Variants in SOX6 observed in about 807,000 individuals in gnomAD.
The protein encoded by SOX6 is SRY-box transcription factor 6, also known as transcription factor SOX-6.
Under a neutral mutation model 97.8 loss-of-function variants are expected in SOX6, and 11 were observed. The ratio of observed to expected loss-of-function variants is 0.11; its 90% CI spans 0.07 to 0.19. The LOEUF (loss-of-function observed/expected upper bound fraction) is 0.19, where lower values mean the gene tolerates loss of function less well. Among genes scored for constraint, SOX6 ranks in the 10% least tolerant of loss-of-function variants. SOX6 has a pLI of 1.00. For missense variants in SOX6, 810 were observed against 1,039.5 expected (o/e 0.78, Z 3.04); for synonymous variants, 360 against 371.4 (o/e 0.97, Z 0.35).
intron 3 of SOX6, among the ~76,000 whole-genome samples, chr11:16,253,409 G>A (rs1413108193): frequency 2.0e-5 from 3 of 151,984 alleles, no homozygotes; most frequent in Non-Finnish European, 4.4e-5. Context: ...GTCCTATGAG[G>A]AATGTTTAGA....
At chr11:16,308,870 T>C (rs779637343) in intron 3 of SOX6, among the ~76,000 whole-genome samples, 25 of 152,176 alleles carry the variant, frequency 1.6e-4, no homozygotes, top group Non-Finnish European at 2.4e-4. Flanking sequence ...ATTCAGCCTG[T>C]TGTATTCAGA....
At chr11:16,520,542 A>G (rs4595506) in intron 4 of SOX6, among the ~76,000 whole-genome samples, 73,952 of 152,176 alleles carry the variant, frequency 0.49, 18,107 homozygotes, top group Admixed American at 0.55. Context: ...AGCTCCCAGC[A>G]TTAGCGACGT....
chr11:16,591,175 A>T (rs555591242), intron 4 of SOX6, among the ~76,000 whole-genome samples: 57 of 152,280 alleles, frequency 3.7e-4, no homozygotes, highest in Non-Finnish European at 1.9e-4. Flanking sequence ...TGTTTGCAGC[A>T]TCCAGCAGTT....
intron 1 of SOX6, among the ~76,000 whole-genome samples, chr11:16,469,643 G>A (rs1401506220): frequency 6.6e-6 from 1 of 152,050 alleles, no homozygotes; most frequent in Non-Finnish European, 1.5e-5. Flanking sequence ...TGACAATAAA[G>A]AGTAGCATTT....
At chr11:15,995,938 C>A (rs941025782) in intron 13 of SOX6, among the ~76,000 whole-genome samples, 3 of 151,912 alleles carry the variant, frequency 2.0e-5, no homozygotes, top group Non-Finnish European at 1.5e-5. Flanking sequence ...CATGAGTTAC[C>A]AGCAGACAAA....
intron 4 of SOX6, among the ~76,000 whole-genome samples, chr11:16,557,584 C>T: frequency 6.6e-6 from 1 of 151,820 alleles, no homozygotes; most frequent in East Asian, 1.9e-4. Context: ...CTTTTGTTTA[C>T]CATTCTGTAA....
intron 1 of SOX6, among the ~76,000 whole-genome samples, chr11:16,450,563 C>T (rs1240078845): frequency 1.3e-5 from 2 of 152,192 alleles, no homozygotes; most frequent in Admixed American, 6.5e-5. Context: ...AACTACAAGT[C>T]GGTCCATTCT....
At chr11:16,248,384 T>G (rs1045151434) in intron 3 of SOX6, among the ~76,000 whole-genome samples, 6 of 152,180 alleles carry the variant, frequency 3.9e-5, no homozygotes, top group African/African-American at 1.4e-4. Context: ...TCCCACATTT[T>G]CCTTCCACAC....
chr11:16,448,568 C>A (rs1463556656), intron 1 of SOX6, among the ~76,000 whole-genome samples: 1 of 152,136 alleles, frequency 6.6e-6, no homozygotes, highest in African/African-American at 2.4e-5. Context: ...CCTACTTACA[C>A]TTTCATATGA....
At chr11:15,984,047 C>G (rs968576256) in intron 15 of SOX6, among the ~76,000 whole-genome samples, 5 of 152,122 alleles carry the variant, frequency 3.3e-5, no homozygotes, top group Non-Finnish European at 5.9e-5. Flanking sequence ...TGAATTTGAA[C>G]CTTTGCTCTT....
At chr11:16,005,094 G>T in intron 13 of SOX6, among the ~76,000 whole-genome samples, 1 of 152,000 alleles carries the variant, frequency 6.6e-6, no homozygotes, top group Non-Finnish European at 1.5e-5. Context: ...CATAGGAGGT[G>T]CTTAACTCAT....
At chr11:16,382,049 C>T (rs959188961) in intron 1 of SOX6, among the ~76,000 whole-genome samples, 52 of 151,860 alleles carry the variant, frequency 3.4e-4, no homozygotes, top group African/African-American at 1.0e-3. Flanking sequence ...CCATTTCTTA[C>T]GTTTAATCAT....
chr11:15,992,084 A>C (rs764137997), intron 13 of SOX6, among the ~76,000 whole-genome samples: 5 of 152,240 alleles, frequency 3.3e-5, no homozygotes, highest in Non-Finnish European at 5.9e-5. Flanking sequence ...CAGAAGTTGC[A>C]AAATTCGAGC....
intron 4 of SOX6, among the ~76,000 whole-genome samples, chr11:16,564,534 C>A (rs1227591696): frequency 2.0e-5 from 3 of 152,064 alleles, no homozygotes; most frequent in African/African-American, 7.2e-5. Context: ...GCCCCTAGAA[C>A]ATATACCAAG....
At chr11:16,229,262 A>G (rs940563549) in intron 4 of SOX6, among the ~76,000 whole-genome samples, 1 of 152,298 alleles carries the variant, frequency 6.6e-6, no homozygotes, top group African/African-American at 2.4e-5. Flanking sequence ...TTCTAAAAGC[A>G]CAAACTTATG....
intron 6 of SOX6, among the ~76,000 whole-genome samples, chr11:16,163,715 G>A (rs1002450284): frequency 1.3e-5 from 2 of 152,202 alleles, no homozygotes; most frequent in Non-Finnish European, 2.9e-5. Context: ...GGGCCTTGAC[G>A]CTACATGATT....
At chr11:16,584,199 A>G (rs539394959) in intron 4 of SOX6, among the ~76,000 whole-genome samples, 2 of 152,306 alleles carry the variant, frequency 1.3e-5, no homozygotes, top group African/African-American at 4.8e-5. Flanking sequence ...GTAATTCCCT[A>G]TTGTTGATCC....
At chr11:16,269,723 C>G (rs1854192307) in intron 3 of SOX6, among the ~76,000 whole-genome samples, 1 of 150,790 alleles carries the variant, frequency 6.6e-6, no homozygotes, top group Non-Finnish European at 1.5e-5. Context: ...TTTTTTCTAC[C>G]ATTAATTATA....
At chr11:16,528,482 T>G (rs1861198386) in intron 4 of SOX6, among the ~76,000 whole-genome samples, 2 of 152,096 alleles carry the variant, frequency 1.3e-5, no homozygotes, top group South Asian at 2.1e-4. Context: ...AAGCATTTGC[T>G]CTTACTTCCA....
Sources: gnomAD v4.1 joint callset for allele counts (sites outside exome capture counted in the v4.1 genomes callset) on GRCh38, gnomAD v4.1.1 for gene constraint, MANE v1.5 for transcripts, NCBI Gene and HGNC (gene_info 2026-07-23, HGNC 2026-07-21) for gene names.